The following BICC1 variants were observed in gnomAD, a reference collection of about 807,000 sequenced individuals.
The protein encoded by BICC1 is protein bicaudal C homolog 1.
BICC1 carries 43 observed loss-of-function variants against 111.0 expected under a neutral mutation model. The observed-to-expected ratio is 0.39, with a 90% CI of 0.30 to 0.50. The LOEUF (loss-of-function observed/expected upper bound fraction) is 0.50. BICC1 is among the 20% of genes least tolerant of loss of function. The pLI, the probability that BICC1 is intolerant of heterozygous loss-of-function variation, is 0.88. For missense variants in BICC1, 1,091 were observed against 1,203.2 expected (o/e 0.91, Z 1.38); for synonymous variants, 467 against 434.4 (o/e 1.07, Z -0.93).
At chr10:58,541,099 T>C (rs746974701) in intron 1 of BICC1, among the ~76,000 whole-genome samples, 1 of 152,110 alleles carries the variant, frequency 6.6e-6, no homozygotes, top group Non-Finnish European at 1.5e-5. Flanking sequence ...ACTGACATCA[T>C]ACTCAGTGGT....
chr10:58,593,998 T>C (rs1256387057), intron 1 of BICC1, among the ~76,000 whole-genome samples: 1 of 151,790 alleles, frequency 6.6e-6, no homozygotes, highest in African/African-American at 2.4e-5. Flanking sequence ...GACGAATTGC[T>C]AACTAGAATA....
intron 3 of BICC1, among the ~76,000 whole-genome samples, chr10:58,723,468 A>G (rs1315080403): frequency 1.3e-5 from 2 of 152,174 alleles, no homozygotes; most frequent in Middle Eastern, 3.2e-3. Context: ...GTTTCTTAGG[A>G]TAGTTCTATG....
intron 2 of BICC1, among the ~76,000 whole-genome samples, chr10:58,680,880 C>A (rs1839498719): frequency 6.6e-6 from 1 of 152,194 alleles, no homozygotes; most frequent in African/African-American, 2.4e-5. Flanking sequence ...ATGTCTACAA[C>A]CATCTGATCT....
chr10:58,568,105 T>C (rs1843827610), intron 1 of BICC1, among the ~76,000 whole-genome samples: 1 of 152,174 alleles, frequency 6.6e-6, no homozygotes. Flanking sequence ...CTTGATTTCC[T>C]CATCTGTACA....
intron 13 of BICC1, among the ~76,000 whole-genome samples, chr10:58,800,600 C>T (rs895490743): frequency 2.0e-5 from 3 of 152,168 alleles, no homozygotes; most frequent in Non-Finnish European, 4.4e-5. Context: ...AAAGCATCAA[C>T]TTACTAAATG....
intron 1 of BICC1, among the ~76,000 whole-genome samples, chr10:58,536,487 A>G (rs1396837385): frequency 1.3e-5 from 2 of 151,872 alleles, no homozygotes; most frequent in Admixed American, 1.3e-4. Flanking sequence ...CAATGAAATC[A>G]AGATGAAAAT....
At chr10:58,654,544 G>T (rs1183080185) in intron 2 of BICC1, among the ~76,000 whole-genome samples, 1 of 52,258 alleles carries the variant, frequency 1.9e-5, no homozygotes, top group Non-Finnish European at 4.1e-5. Context: ...TTTTTTTCTT[G>T]TAAATTTGTT....
chr10:58,700,504 G>A (rs1840199140), intron 2 of BICC1, among the ~76,000 whole-genome samples: 1 of 152,190 alleles, frequency 6.6e-6, no homozygotes, highest in Non-Finnish European at 1.5e-5. Context: ...AGAAGCAGCA[G>A]CCGGGGCCAG....
At chr10:58,547,063 G>A (rs1229572077) in intron 1 of BICC1, among the ~76,000 whole-genome samples, 1 of 152,124 alleles carries the variant, frequency 6.6e-6, no homozygotes, top group Non-Finnish European at 1.5e-5. Context: ...ATATAGTACA[G>A]CGAGTCCCCC....
intron 2 of BICC1, chr10:58,648,629 C>T (rs1300580889): frequency 1.0e-5 from 10 of 984,852 alleles, no homozygotes; most frequent in African/African-American, 1.7e-5. Context: ...TACAGAGACA[C>T]ACACAGAGGA....
chr10:58,688,200 A>G (rs1447960793), intron 2 of BICC1, among the ~76,000 whole-genome samples: 1 of 152,070 alleles, frequency 6.6e-6, no homozygotes, highest in African/African-American at 2.4e-5. Flanking sequence ...AAGGGGACCC[A>G]AGTGGGTTGC....
rs1259533765 is a variant in BICC1 at position 58,829,604 on chromosome 10, A to G, written c.*713A>G. 2.0e-5 allele frequency: 3 copies of G among 152,138 alleles called. No homozygotes were observed. Among genetic ancestry groups the G allele is most frequent in the Admixed American group, 1.3e-4 (2 of 15,272 alleles). 9.4% of individuals were successfully genotyped at this position (152,138 alleles called of 1,614,324 possible). ...CTTCTGGACCAATTCTGTTTCATGT[A>G]TGTTAGCATCCTAGAAACACCTAGC... On this transcript the variant is annotated 3_prime_UTR_variant, in exon 21 of 21. Coordinates refer to ENST00000373886, the MANE Select transcript of BICC1 (RefSeq NM_001080512.3).
chr10:58,792,534 C>T (rs1843214852), intron 8 of BICC1, among the ~76,000 whole-genome samples: 2 of 152,154 alleles, frequency 1.3e-5, no homozygotes, highest in African/African-American at 4.8e-5. Context: ...ACATGACCGC[C>T]TGAGCTCCAC....
chr10:58,513,179 G>T lies in BICC1; in HGVS notation c.36G>T (p.Ala12=), dbSNP rs1842141799. The change falls in exon 1 of 21, where the codon GCG becomes GCT. Residue 12 remains alanine (A), a synonymous_variant. Coordinates refer to ENST00000373886, the MANE Select transcript of BICC1 (RefSeq NM_001080512.3). ...AGGGAGAGCCCGGCTACCTGGCGGC[G>T]CAGTCGGACCCCGGCTCCAACAGCG... ...AAQGEPGYLA[A]QSDPGSNSER... 1.3e-6 allele frequency: 2 copies of T among 1,577,068 alleles called. No individual in the cohort carries two copies.
At chr10:58,512,711 G>GGT (rs1221726881), upstream of BICC1, among the ~76,000 whole-genome samples, 2 of 151,760 alleles carry the variant, frequency 1.3e-5, no homozygotes, top group East Asian at 1.9e-4. Flanking sequence ...GTGTGTACGT[G>GGT]GTGTGTGTGT....
chr10:58,815,390 A>G (rs373352345), intron 18 of BICC1, among the ~76,000 whole-genome samples: 1 of 152,176 alleles, frequency 6.6e-6, no homozygotes, highest in African/African-American at 2.4e-5. Context: ...TCCACCACTG[A>G]CAGTATGATC....
chr10:58,580,691 T>A (rs532603530), intron 1 of BICC1, among the ~76,000 whole-genome samples: 1 of 152,304 alleles, frequency 6.6e-6, no homozygotes, highest in African/African-American at 2.4e-5. Context: ...AACTTCCATT[T>A]CCCTGGATAT....
Position 58,830,700 on chromosome 10 carries a change from G to T in BICC1, c.*1809G>T, listed in dbSNP as rs1187999379. The stretch of plus-strand genomic sequence containing the variant: ...CAATTATAACTGGCACCGAGGGACT[G>T]CCCTTTTTAAGCTAAACTAAGCCTT... On this transcript the variant is annotated 3_prime_UTR_variant, in exon 21 of 21. Coordinates refer to ENST00000373886, the MANE Select transcript of BICC1 (RefSeq NM_001080512.3). 6.6e-6 allele frequency: 1 copy of T among 152,140 alleles called. No homozygotes were observed. The highest frequency in any genetic ancestry group is 6.5e-5 in the Admixed American group (1 of 15,274). The allele number at this position is 152,140 out of a possible 1,614,324, so 9.4% of individuals were successfully genotyped here.
chr10:58,698,141 G>A (rs1840120273), intron 2 of BICC1, among the ~76,000 whole-genome samples: 1 of 152,150 alleles, frequency 6.6e-6, no homozygotes. Flanking sequence ...CACTGCACTG[G>A]CCAGAATTTA....
Sources: allele counts gnomAD v4.1 joint callset (sites outside exome capture counted in the v4.1 genomes callset), GRCh38; gene constraint gnomAD v4.1.1; transcripts MANE v1.5; gene names NCBI Gene and HGNC (gene_info 2026-07-23, HGNC 2026-07-21).